MYO16: variants seen among roughly 807,000 people sequenced by gnomAD.
MYO16 encodes myosin XVI.
A neutral mutation model predicts 205.3 loss-of-function variants in MYO16; 94 were observed. The ratio of observed to expected loss-of-function variants is 0.46; its 90% CI spans 0.39 to 0.54. The LOEUF (loss-of-function observed/expected upper bound fraction) is 0.54, where lower values mean the gene tolerates loss of function less well. MYO16 is among the 20% of genes least tolerant of loss of function. The pLI is 0.00. For synonymous variants in MYO16, 988 were observed against 954.0 expected (o/e 1.04, Z -0.66); for missense variants, 2,315 against 2,387.5 (o/e 0.97, Z 0.63).
chr13:109,206,729 C>A lies in MYO16; in HGVS notation c.5536C>A (p.Pro1846Thr). ...DWQQILHHAE[P>T]RVPPPPPCKK... ...GCAGCAGATCCTGCACCACGCTGAG[C>A]CCAGGGTGCCTCCCCCACCACCTTG... is the stretch of plus-strand genomic sequence containing the variant. The change falls in exon 35 of 35, where the codon CCC becomes ACC. Residue 1846 changes from proline to threonine, a missense_variant. Physicochemically the swap from Pro to Thr is conservative, Grantham distance 38. Transcript: ENST00000457511. 6.2e-7 allele frequency: 1 copy of A among 1,614,172 alleles called. No individual in the cohort carries two copies. Among genetic ancestry groups the A allele is most frequent in the East Asian group, 2.2e-5 (1 of 44,882 alleles).
At chr13:109,073,163 G>T (rs549051384) in intron 27 of MYO16, among the ~76,000 whole-genome samples, 1 of 150,916 alleles carries the variant, frequency 6.6e-6, no homozygotes, top group African/African-American at 2.4e-5. Flanking sequence ...GTGTAGTGGC[G>T]CAATCTCAGC....
intron 21 of MYO16, among the ~76,000 whole-genome samples, chr13:108,999,879 G>A (rs528857255): frequency 4.4e-4 from 67 of 151,988 alleles, no homozygotes; most frequent in Non-Finnish European, 7.4e-4. Context: ...CCTTTTGTTT[G>A]TATTTCTCTT....
Position 108,619,571 on chromosome 13 carries a change from C to T in MYO16, c.-39+23332C>T, listed in dbSNP as rs749262301. 5.9e-5 allele frequency among the ~76,000 whole-genome samples: 9 copies of T among 152,040 alleles called. No individual in the cohort carries two copies. In the East Asian group the frequency reaches 7.7e-4, roughly 13 times the overall value. On this transcript the variant is annotated intron_variant, in intron 1 of 24. Coordinates refer to the MYO16 transcript ENST00000251041. ...TGTCAGCATTTTGAGAGAAAGCCCA[C>T]GCAGGATGTAAATTAGCAGTAATAG...
At chr13:109,206,574 GCTAC>G in intron 34 of MYO16, 31 bp from the exon 35 acceptor site, 1 of 1,490,290 alleles carries the variant, frequency 6.7e-7, no homozygotes. Context: ...AATATTTGGT[GCTAC>G]CTGTTTTTTC....
chr13:108,641,682 T>C (rs1398859638), intron 1 of MYO16, among the ~76,000 whole-genome samples: 6 of 152,190 alleles, frequency 3.9e-5, no homozygotes, highest in Non-Finnish European at 8.8e-5. Context: ...GAGAACCGAG[T>C]TGAGATTGAA....
At chr13:108,756,511 TAAA>T (rs1885426546) in intron 4 of MYO16, among the ~76,000 whole-genome samples, 1 of 152,118 alleles carries the variant, frequency 6.6e-6, no homozygotes, top group African/African-American at 2.4e-5. Flanking sequence ...TATTCCTTCT[TAAA>T]AAGTGCTTTT....
At chr13:109,124,321 C>T (rs922410588) in intron 29 of MYO16, among the ~76,000 whole-genome samples, 2 of 152,188 alleles carry the variant, frequency 1.3e-5, no homozygotes, top group Non-Finnish European at 2.9e-5. Context: ...GACATATGAG[C>T]CCGGGCTCTA....
At chr13:109,124,467 G>C (rs56972606) in intron 29 of MYO16, among the ~76,000 whole-genome samples, 3,902 of 152,270 alleles carry the variant, frequency 0.026, 162 homozygotes, top group African/African-American at 0.09. Flanking sequence ...GTGTCTTACA[G>C]AGGTCCCTTT....
chr13:108,915,955 G>A (rs145638901), intron 16 of MYO16, among the ~76,000 whole-genome samples: 228 of 152,292 alleles, frequency 1.5e-3, no homozygotes, highest in African/African-American at 5.2e-3. Flanking sequence ...AGCAGCTCCC[G>A]TGAAGGTTTG....
chr13:108,903,895 A>G (rs1039736014), intron 15 of MYO16, among the ~76,000 whole-genome samples: 11 of 152,354 alleles, frequency 7.2e-5, no homozygotes, highest in Admixed American at 2.6e-4. Context: ...AAACCAGGTC[A>G]AATAAGTGTT....
chr13:108,753,881 T>G (rs1043246308), intron 4 of MYO16, among the ~76,000 whole-genome samples: 2 of 152,258 alleles, frequency 1.3e-5, no homozygotes, highest in Non-Finnish European at 2.9e-5. Context: ...AAAAAGAGGC[T>G]ATACTTTGAG....
the MYO16 span, among the ~76,000 whole-genome samples, chr13:108,553,676 C>T: frequency 3.9e-5 from 6 of 152,154 alleles, no homozygotes; most frequent in Non-Finnish European, 8.8e-5. Flanking sequence ...ATGATGTTGA[C>T]AACAAATAGT....
At chr13:109,189,397 G>A (rs184512417) in intron 34 of MYO16, among the ~76,000 whole-genome samples, 6 of 152,268 alleles carry the variant, frequency 3.9e-5, no homozygotes, top group South Asian at 2.1e-4. Flanking sequence ...GTTTTATTAC[G>A]TGTTTTTCTG....
rs189267557 is a variant in MYO16, at chr13:109,109,716, C to T, written c.3438+8829C>T. Among the ~76,000 whole-genome samples the T allele has an allele frequency of 7.3e-5, 11 of 150,650 alleles. No individual in the cohort carries two copies. The East Asian group carries it at 1.2e-3, about 16-fold the overall frequency. On this transcript the variant is annotated intron_variant, in intron 28 of 34. Coordinates refer to ENST00000457511, the MANE Select transcript of MYO16 (RefSeq NM_001198950.3). ...AATATACTCAAGCTCTTTTAAAAAA[C>T]GAACTTGCTCCATAAAATATGTTTG... is the stretch of plus-strand genomic sequence containing the variant.
intron 34 of MYO16, among the ~76,000 whole-genome samples, chr13:109,199,469 T>C (rs1276428862): frequency 1.3e-5 from 2 of 151,916 alleles, no homozygotes; most frequent in East Asian, 3.9e-4. Context: ...TGATTCTGTG[T>C]ACAAAGACTA....
chr13:108,832,097 A>G (rs2139043141), intron 9 of MYO16, among the ~76,000 whole-genome samples: 1 of 151,568 alleles, frequency 6.6e-6, no homozygotes, highest in South Asian at 2.1e-4. Context: ...GAAGTTGTGG[A>G]AATGATACTA....
chr13:108,674,010 G>C (rs557920098), intron 2 of MYO16, among the ~76,000 whole-genome samples: 1 of 152,088 alleles, frequency 6.6e-6, no homozygotes, highest in South Asian at 2.1e-4. Flanking sequence ...AACTGTCTGC[G>C]TGTCATTCAG....
intron 12 of MYO16, among the ~76,000 whole-genome samples, chr13:108,874,716 T>C (rs899370048): frequency 1.3e-5 from 2 of 148,570 alleles, no homozygotes; most frequent in African/African-American, 2.4e-5. Flanking sequence ...ATTATTATTA[T>C]TATTATTATT....
upstream of MYO16, among the ~76,000 whole-genome samples, chr13:108,627,644 G>A (rs1038061415): frequency 2.7e-4 from 41 of 152,106 alleles, no homozygotes; most frequent in Admixed American, 2.6e-3. Flanking sequence ...GGGGTACCTT[G>A]GTTAAAGTTC....
Sources: gnomAD v4.1 joint callset for allele counts (sites outside exome capture counted in the v4.1 genomes callset) on GRCh38, gnomAD v4.1.1 for gene constraint, MANE v1.5 for transcripts, NCBI Gene and HGNC (gene_info 2026-07-23, HGNC 2026-07-21) for gene names.